The following PODXL variants were observed in gnomAD, a reference collection of about 807,000 sequenced individuals.
PODXL encodes the protein podocalyxin.
In PODXL, 20 loss-of-function variants were observed where a neutral mutation model predicts 48.9. The observed-to-expected ratio is 0.41, with a 90% CI of 0.29 to 0.59. PODXL has a LOEUF of 0.59. PODXL is among the 20% of genes least tolerant of loss of function. PODXL has a pLI of 0.31. For missense variants in PODXL, 606 were observed against 675.1 expected (o/e 0.90, Z 1.13); for synonymous variants, 295 against 287.4 (o/e 1.03, Z -0.27).
At chr7:131,542,389 C>G (rs755021888) in intron 1 of PODXL, among the ~76,000 whole-genome samples, 6 of 152,202 alleles carry the variant, frequency 3.9e-5, no homozygotes, top group African/African-American at 1.4e-4. Context: ...GCTGCGGTGA[C>G]TCACGCCTGT....
chr7:131,551,784 A>G lies in PODXL; in HGVS notation c.100+4476T>C, dbSNP rs975587166. 2.6e-5 allele frequency among the ~76,000 whole-genome samples: 4 copies of G among 152,144 alleles called. No individual in the cohort carries two copies. The East Asian group carries it at 5.8e-4, about 22-fold the overall frequency. On this transcript the variant is annotated intron_variant, in intron 1 of 8. Coordinates refer to ENST00000378555, the MANE Select transcript of PODXL (RefSeq NM_001018111.3). ...TCCCCGTCCCTACTAAAAAATACAG[A>G]AAATTAGCCGGGCGTGGAGGTGGGC...
At chr7:131,506,348 T>A (rs372589823) in intron 6 of PODXL, 27 bp from the exon 7 acceptor site, 37 of 1,612,938 alleles carry the variant, frequency 2.3e-5, no homozygotes, top group Middle Eastern at 1.6e-4. Context: ...CGATGCCCAA[T>A]GGCCCAGCCC....
At chr7:131,540,039 CTTTTAAT>C (rs1026110598) in intron 1 of PODXL, among the ~76,000 whole-genome samples, 8 of 152,060 alleles carry the variant, frequency 5.3e-5, no homozygotes, top group South Asian at 2.1e-4. Context: ...CCTTTAGTAC[CTTTTAAT>C]TTTTAATCTT....
intron 1 of PODXL, among the ~76,000 whole-genome samples, chr7:131,521,525 G>C (rs1007597466): frequency 6.6e-6 from 1 of 152,008 alleles, no homozygotes; most frequent in Non-Finnish European, 1.5e-5. Flanking sequence ...AGTAGAGAAG[G>C]GGTTTCACCA....
chr7:131,547,226 A>C (rs932320870), intron 1 of PODXL, among the ~76,000 whole-genome samples: 10 of 151,926 alleles, frequency 6.6e-5, no homozygotes, highest in African/African-American at 2.4e-4. Context: ...ATACAAACTT[A>C]GGTGGGCGTG....
chr7:131,543,960 T>C (rs982535511), intron 1 of PODXL, among the ~76,000 whole-genome samples: 3 of 152,106 alleles, frequency 2.0e-5, no homozygotes, highest in African/African-American at 7.2e-5. Flanking sequence ...ATCAGTCCCA[T>C]GATGCCAGCA....
intron 1 of PODXL, among the ~76,000 whole-genome samples, chr7:131,547,374 CAAAAAAAAAA>C (rs10683140): frequency 1.0e-4 from 7 of 68,976 alleles, no homozygotes; most frequent in Admixed American, 4.3e-4. Flanking sequence ...AACTCCGTCT[CAAAAAAAAAA>C]AAAAAAAAAA....
At position 131,500,902 on chromosome 7, in the gene PODXL, T is replaced by G. The variant is rs1797689662; in HGVS notation, c.*3409A>C. The G allele has an allele frequency of 6.6e-6, 1 of 152,220 alleles. No homozygotes were observed. The highest frequency in any genetic ancestry group is 1.5e-5 in the Non-Finnish European group (1 of 68,042). 9.4% of individuals were successfully genotyped at this position (152,220 alleles called of 1,614,324 possible). On this transcript the variant is annotated 3_prime_UTR_variant, in exon 9 of 9. Coordinates refer to ENST00000378555, the MANE Select transcript of PODXL (RefSeq NM_001018111.3). Reference sequence around the variant, plus strand: ...CCAGGTTTTAATCTTGTTTCTGTCCTGAACCATGTGATTTTGAGGAAGTCA... The same window carrying G: ...CCAGGTTTTAATCTTGTTTCTGTCCGGAACCATGTGATTTTGAGGAAGTCA...
At chr7:131,549,833 T>A (rs1429908509) in intron 1 of PODXL, among the ~76,000 whole-genome samples, 2 of 152,196 alleles carry the variant, frequency 1.3e-5, no homozygotes, top group Non-Finnish European at 2.9e-5. Flanking sequence ...GTGAGGTGGC[T>A]TATTCCCAAG....
intron 1 of PODXL, among the ~76,000 whole-genome samples, chr7:131,547,563 A>C (rs1044646696): frequency 6.6e-6 from 1 of 152,170 alleles, no homozygotes; most frequent in African/African-American, 2.4e-5. Flanking sequence ...CTGTGGCTAA[A>C]ATCCAAGCCT....
intron 5 of PODXL, chr7:131,506,960 CTG>C (rs1797818797): frequency 1.8e-6 from 1 of 566,940 alleles, no homozygotes; most frequent in Non-Finnish European, 3.2e-6. Context: ...GTTCTCCGCA[CTG>C]TGTTTATCTG....
intron 1 of PODXL, among the ~76,000 whole-genome samples, chr7:131,533,849 C>A (rs1210052427): frequency 6.6e-6 from 1 of 152,176 alleles, no homozygotes; most frequent in African/African-American, 2.4e-5. Flanking sequence ...GCTGTATAAC[C>A]AGGCAAGAGT....
At chr7:131,533,243 C>T (rs1798312958) in intron 1 of PODXL, among the ~76,000 whole-genome samples, 1 of 152,146 alleles carries the variant, frequency 6.6e-6, no homozygotes. Context: ...GGTCTGTTGG[C>T]TCTGTGGTCC....
In PODXL at chr7:131,500,446, T is replaced by TG. The variant is rs1255638086; in HGVS notation, c.*3864dup. The TG allele has an allele frequency of 6.6e-6, 1 of 152,638 alleles. No individual in the cohort carries two copies. The highest frequency in any genetic ancestry group is 2.4e-5 in the African/African-American group (1 of 41,454). 9.5% of individuals were successfully genotyped at this position (152,638 alleles called of 1,614,324 possible). A position where few individuals can be genotyped will look rare whatever the true frequency, so the allele number is the denominator to read the frequency against. ...ATCCCCCAGTTCCTGGGCAAACTGT[T>TG]GAACATTCACTGCAGACAAAAAGAC... On this transcript the variant is annotated 3_prime_UTR_variant, in exon 9 of 9. Coordinates refer to ENST00000378555, the MANE Select transcript of PODXL (RefSeq NM_001018111.3).
At chr7:131,507,440 A>G (rs1797828272) in intron 5 of PODXL, among the ~76,000 whole-genome samples, 1 of 152,172 alleles carries the variant, frequency 6.6e-6, no homozygotes, top group African/African-American at 2.4e-5. Context: ...TGTGGGCAGC[A>G]TGTATCCAGT....
At chr7:131,518,369 C>T (rs1562907273) in intron 1 of PODXL, among the ~76,000 whole-genome samples, 2 of 152,138 alleles carry the variant, frequency 1.3e-5, no homozygotes, top group Admixed American at 6.5e-5. Context: ...GCTAAAGAAT[C>T]AAGCGTAAGT....
intron 5 of PODXL, among the ~76,000 whole-genome samples, chr7:131,507,368 T>C (rs1336807348): frequency 6.6e-6 from 1 of 152,160 alleles, no homozygotes; most frequent in Non-Finnish European, 1.5e-5. Flanking sequence ...GGGGGTCTTA[T>C]TTAGCTCTAA....
Position 131,511,414 on chromosome 7 carries a change from G to A in PODXL, c.120C>T (p.Asp40=). 2 of 1,601,112 alleles carry A rather than the reference G, an allele frequency of 1.2e-6. No individual in the cohort carries two copies. Among genetic ancestry groups the A allele is most frequent in the Non-Finnish European group, 1.7e-6 (2 of 1,179,874 alleles). ...PSQNATQTTT[D]SSNKTAPTPA... is the part of the protein sequence containing the mutation. ...GAGTCGGTGCTGTTTTGTTAGATGA[G>A]TCCGTAGTAGTCTGGGTTGCTGTTT... The change falls in exon 2 of 9, where the codon GAC becomes GAT. Residue 40 remains aspartate, a synonymous_variant. Transcript: ENST00000378555.
Position 131,505,920 on chromosome 7 carries a change from A to G in PODXL, c.1427T>C (p.Val476Ala). 6.3e-7 allele frequency: 1 copy of G among 1,590,996 alleles called. No homozygotes were observed. The part of the protein sequence containing the change: ...IVCMASFLLL[V>A]AALYGCCHQR... ...GTGGCAGCAGCCATAGAGGGCCGCC[A>G]CGAGGAGCAGGAATGATGCCATGCA... The change falls in exon 8 of 9, where the codon GTG (valine) becomes GCG (alanine). Residue 476 changes from valine to alanine, a missense_variant. By Grantham distance (64) the Val-to-Ala change is moderately conservative (BLOSUM62 0). Transcript: ENST00000378555.
Sources: allele counts gnomAD v4.1 joint callset (sites outside exome capture counted in the v4.1 genomes callset), GRCh38; gene constraint gnomAD v4.1.1; transcripts MANE v1.5; gene names NCBI Gene and HGNC (gene_info 2026-07-23, HGNC 2026-07-21).